SIL1: variants seen among roughly 807,000 people sequenced by gnomAD.
SIL1 encodes the protein SIL1 nucleotide exchange factor.
A neutral mutation model predicts 49.1 loss-of-function variants in SIL1; 40 were observed. The ratio of observed to expected loss-of-function variants is 0.81; its 90% CI spans 0.63 to 1.06. SIL1 has a LOEUF of 1.06. Ranked by LOEUF, SIL1 falls within the 50% of genes least tolerant of loss-of-function variation. The pLI is 0.00. For synonymous variants in SIL1, 253 were observed against 250.8 expected (o/e 1.01, Z -0.08); for missense variants, 500 against 572.6 (o/e 0.87, Z 1.29).
chr5:139,037,179 G>A (rs1581049058), intron 5 of SIL1, among the ~76,000 whole-genome samples: 1 of 150,728 alleles, frequency 6.6e-6, no homozygotes, highest in East Asian at 1.9e-4. Flanking sequence ...GGCCTCTATG[G>A]TTTCAGATAA....
intron 3 of SIL1, among the ~76,000 whole-genome samples, chr5:139,065,787 T>C (rs1246053313): frequency 2.0e-5 from 3 of 152,198 alleles, no homozygotes; most frequent in Non-Finnish European, 4.4e-5. Context: ...CTACCCACTA[T>C]ACACTCCTGA....
chr5:139,032,202 C>T (rs1768809288), intron 5 of SIL1, among the ~76,000 whole-genome samples: 1 of 152,198 alleles, frequency 6.6e-6, no homozygotes, highest in Non-Finnish European at 1.5e-5. Flanking sequence ...GTATAATATT[C>T]CATGCAGACT....
intron 9 of SIL1, among the ~76,000 whole-genome samples, chr5:138,949,315 G>A (rs950762661): frequency 1.3e-5 from 2 of 152,158 alleles, no homozygotes; most frequent in Non-Finnish European, 2.9e-5. Context: ...GTACATATGA[G>A]GACTGCCTGG....
intron 3 of SIL1, among the ~76,000 whole-genome samples, chr5:139,056,682 C>G (rs1453570491): frequency 2.1e-5 from 3 of 143,560 alleles, no homozygotes; most frequent in South Asian, 4.2e-4. Flanking sequence ...CCGCCCCGTC[C>G]GGGAGGGAGG....
chr5:138,978,136 TCA>T (rs372189570), intron 7 of SIL1, among the ~76,000 whole-genome samples: 37 of 152,342 alleles, frequency 2.4e-4, no homozygotes, highest in African/African-American at 7.2e-4. Context: ...TTTTGTGTAT[TCA>T]CAGAGTTGTG....
intron 3 of SIL1, among the ~76,000 whole-genome samples, chr5:139,089,365 G>A (rs1038564847): frequency 6.6e-6 from 1 of 152,106 alleles, no homozygotes; most frequent in Non-Finnish European, 1.5e-5. Flanking sequence ...CTACATCACA[G>A]AGCAAACAGA....
chr5:139,172,973 C>A (rs2151816128), intron 1 of SIL1, among the ~76,000 whole-genome samples: 1 of 152,028 alleles, frequency 6.6e-6, no homozygotes, highest in African/African-American at 2.4e-5. Context: ...CCCTAGAATT[C>A]ACCCCCAGGA....
chr5:139,123,822 A>G (rs987530896), intron 2 of SIL1, among the ~76,000 whole-genome samples: 1 of 152,244 alleles, frequency 6.6e-6, no homozygotes. Flanking sequence ...ACTTGAAAAC[A>G]GAAATCCAGA....
At chr5:138,989,291 G>A (rs1236160364) in intron 7 of SIL1, among the ~76,000 whole-genome samples, 3 of 152,188 alleles carry the variant, frequency 2.0e-5, no homozygotes, top group African/African-American at 7.2e-5. Flanking sequence ...GCTCACACCT[G>A]TAATCCCAGC....
At position 139,086,285 on chromosome 5, in the gene SIL1, A is replaced by AG. The variant is rs1488564632; in HGVS notation, c.244+34749_244+34750insC. Among the ~76,000 whole-genome samples, 688 of 147,132 alleles carry AG rather than the reference A, an allele frequency of 4.7e-3. 7 individuals are homozygous for AG. Among genetic ancestry groups the AG allele is most frequent in the African/African-American group, 9.0e-3 (361 of 40,158 alleles). On this transcript the variant is annotated intron_variant, in intron 3 of 9. Coordinates refer to ENST00000394817, the MANE Select transcript of SIL1 (RefSeq NM_022464.5). ...GAGACCGTCTTAAAAAAAAAAAAAAAAAAGAAGAAGAAGAAGAAGCAATTT... is the reference window on the plus strand; with the variant it reads ...GAGACCGTCTTAAAAAAAAAAAAAAAGAAAGAAGAAGAAGAAGAAGCAATTT...
At chr5:139,141,958 CATACA>C (rs1751088243) in intron 1 of SIL1, among the ~76,000 whole-genome samples, 8 of 152,178 alleles carry the variant, frequency 5.3e-5, no homozygotes, top group Non-Finnish European at 1.5e-5. Context: ...AAGATCAGAC[CATACA>C]CTCATCAGCC....
intron 1 of SIL1, among the ~76,000 whole-genome samples, chr5:139,185,453 G>A (rs1405680466): frequency 1.3e-5 from 2 of 152,180 alleles, no homozygotes; most frequent in Non-Finnish European, 2.9e-5. Context: ...TCTGTAACAA[G>A]AAATATTCTG....
chr5:139,144,201 G>C (rs1308935613), intron 1 of SIL1, among the ~76,000 whole-genome samples: 4 of 152,198 alleles, frequency 2.6e-5, no homozygotes, highest in African/African-American at 9.7e-5. Context: ...ATTCATGCCT[G>C]TAATCCCAGC....
intron 7 of SIL1, among the ~76,000 whole-genome samples, chr5:138,987,269 T>G (rs889430030): frequency 6.6e-6 from 1 of 151,588 alleles, no homozygotes; most frequent in East Asian, 1.9e-4. Flanking sequence ...ACCACCACTC[T>G]TGGTTGCTTT....
intron 7 of SIL1, among the ~76,000 whole-genome samples, chr5:138,997,932 G>C (rs1378644911): frequency 6.6e-6 from 1 of 152,156 alleles, no homozygotes; most frequent in African/African-American, 2.4e-5. Flanking sequence ...GATTGCTTTG[G>C]CTATCTGGGG....
intron 7 of SIL1, among the ~76,000 whole-genome samples, chr5:139,011,295 G>A (rs1489798710): frequency 6.6e-6 from 1 of 152,144 alleles, no homozygotes; most frequent in Non-Finnish European, 1.5e-5. Context: ...CTTCCCAGGT[G>A]AGGCAATGCC....
At chr5:138,990,064 C>T (rs1259604074) in intron 7 of SIL1, among the ~76,000 whole-genome samples, 1 of 152,206 alleles carries the variant, frequency 6.6e-6, no homozygotes, top group Non-Finnish European at 1.5e-5. Context: ...CCAGGGCTTG[C>T]GTCTTCCTGC....
At chr5:139,137,517 G>GA (rs1170588336) in intron 1 of SIL1, 30 of 510,984 alleles carry the variant, frequency 5.9e-5, no homozygotes, top group Non-Finnish European at 8.6e-5. Flanking sequence ...TGTCAGGACA[G>GA]AAATTTTTTT....
intron 7 of SIL1, among the ~76,000 whole-genome samples, chr5:138,991,101 A>C (rs1282625968): frequency 6.6e-6 from 1 of 152,132 alleles, no homozygotes; most frequent in East Asian, 1.9e-4. Context: ...GAGTCTCTAT[A>C]GCCTACACCA....
Sources: gnomAD v4.1 joint callset for allele counts (sites outside exome capture counted in the v4.1 genomes callset) on GRCh38, gnomAD v4.1.1 for gene constraint, MANE v1.5 for transcripts, NCBI Gene and HGNC (gene_info 2026-07-23, HGNC 2026-07-21) for gene names.